Variants in ACBD6 observed in about 807,000 individuals in gnomAD.
ACBD6 encodes the protein acyl-CoA binding domain containing 6.
In ACBD6, 28 loss-of-function variants were observed where a neutral mutation model predicts 37.2. The observed-to-expected ratio is 0.75, with a 90% CI of 0.56 to 1.03. ACBD6 has a LOEUF of 1.03. Ranked by LOEUF, ACBD6 falls within the 50% of genes least tolerant of loss-of-function variation. The probability of loss-of-function intolerance (pLI) is 0.00; values close to 1 mark genes in which losing one functional copy is unlikely to be tolerated. For synonymous variants in ACBD6, 113 were observed against 126.8 expected, an observed-to-expected ratio of 0.89 and a Z score of 0.73; for missense variants, 340 against 337.4, an observed-to-expected ratio of 1.01 and a Z score of -0.06.
At chr1:180,380,775 C>T (rs921769304) in intron 6 of ACBD6, among the ~76,000 whole-genome samples, 1 of 151,850 alleles carries the variant, frequency 6.6e-6, no homozygotes, top group African/African-American at 2.4e-5. Context: ...CACTAAACTA[C>T]AATGATAAAA....
intron 3 of ACBD6, among the ~76,000 whole-genome samples, chr1:180,438,018 G>A (rs1378400154): frequency 6.6e-6 from 1 of 152,156 alleles, no homozygotes; most frequent in Non-Finnish European, 1.5e-5. Context: ...CCGCACAGCA[G>A]GAGATGAGTG....
chr1:180,482,939 TA>T (rs1456224171), intron 3 of ACBD6, among the ~76,000 whole-genome samples: 1 of 152,224 alleles, frequency 6.6e-6, no homozygotes, highest in Non-Finnish European at 1.5e-5. Context: ...TTTGTTTCCA[TA>T]AGCCTCTATT....
intron 6 of ACBD6, among the ~76,000 whole-genome samples, chr1:180,369,172 C>A (rs530432297): frequency 6.6e-6 from 1 of 152,202 alleles, no homozygotes; most frequent in Non-Finnish European, 1.5e-5. Context: ...TTGTGTGGGC[C>A]TGGGGCAAGA....
chr1:180,498,218 G>A (rs1016354606), intron 1 of ACBD6, among the ~76,000 whole-genome samples: 1 of 152,176 alleles, frequency 6.6e-6, no homozygotes, highest in Non-Finnish European at 1.5e-5. Flanking sequence ...TCAAGCTCAT[G>A]GTGGCAGATA....
At chr1:180,302,564 G>C (rs997900308) in intron 7 of ACBD6, among the ~76,000 whole-genome samples, 4 of 151,870 alleles carry the variant, frequency 2.6e-5, no homozygotes, top group African/African-American at 9.7e-5. Flanking sequence ...TTTTCCATTT[G>C]CTTGGTAGAT....
chr1:180,304,703 A>G (rs1650280964), intron 7 of ACBD6, among the ~76,000 whole-genome samples: 1 of 150,894 alleles, frequency 6.6e-6, no homozygotes, highest in South Asian at 2.1e-4. Context: ...ATTCAATGCC[A>G]TCCCCATCAA....
At chr1:180,341,467 A>C (rs901004858) in intron 6 of ACBD6, among the ~76,000 whole-genome samples, 1 of 152,072 alleles carries the variant, frequency 6.6e-6, no homozygotes, top group African/African-American at 2.4e-5. Context: ...ATAATATTAT[A>C]GATGACAAAG....
intron 9 of ACBD6, chr1:180,277,080 GGA>G (rs1649080476): frequency 6.6e-6 from 1 of 152,154 alleles, no homozygotes; most frequent in African/African-American, 2.4e-5. Context: ...CTGAAAACCA[GGA>G]GAGCTTTGTT....
intron 5 of ACBD6, among the ~76,000 whole-genome samples, chr1:180,398,399 C>T (rs915255404): frequency 6.6e-6 from 1 of 152,002 alleles, no homozygotes; most frequent in Non-Finnish European, 1.5e-5. Flanking sequence ...ACTAAATTTC[C>T]TCGAGTTCAT....
chr1:180,366,793 T>C (rs895425333), intron 6 of ACBD6, among the ~76,000 whole-genome samples: 1 of 152,180 alleles, frequency 6.6e-6, no homozygotes, highest in African/African-American at 2.4e-5. Flanking sequence ...TCATTATATA[T>C]AATATAGAAG....
chr1:180,315,750 A>G (rs963791573), intron 6 of ACBD6, among the ~76,000 whole-genome samples: 4 of 152,152 alleles, frequency 2.6e-5, no homozygotes, highest in African/African-American at 9.7e-5. Flanking sequence ...AGTAAGAAAA[A>G]AGTCATGGCA....
chr1:180,285,299 T>C (rs145951618), downstream of ACBD6, among the ~76,000 whole-genome samples: 50 of 152,328 alleles, frequency 3.3e-4, no homozygotes, highest in African/African-American at 1.1e-3. Flanking sequence ...ATTTTGGATA[T>C]GTTAAAATGA....
At chr1:180,296,311 T>A (rs754063564) in intron 7 of ACBD6, among the ~76,000 whole-genome samples, 1 of 152,200 alleles carries the variant, frequency 6.6e-6, no homozygotes, top group Non-Finnish European at 1.5e-5. Flanking sequence ...GTTGTCTCCA[T>A]AAAATAAAAG....
intron 3 of ACBD6, among the ~76,000 whole-genome samples, chr1:180,481,305 G>C (rs777205649): frequency 1.3e-4 from 19 of 151,482 alleles, no homozygotes; most frequent in Non-Finnish European, 2.1e-4. Flanking sequence ...TCACAGAAAA[G>C]ATCAGGGCTA....
intron 6 of ACBD6, among the ~76,000 whole-genome samples, chr1:180,327,200 G>A (rs574257530): frequency 2.1e-4 from 32 of 152,258 alleles, no homozygotes; most frequent in Non-Finnish European, 3.8e-4. Flanking sequence ...CCTATCACTC[G>A]GATGGACGAT....
intron 3 of ACBD6, among the ~76,000 whole-genome samples, chr1:180,458,654 G>A (rs1307275704): frequency 1.3e-5 from 2 of 152,024 alleles, no homozygotes; most frequent in Admixed American, 6.6e-5. Flanking sequence ...AGAAAACAGC[G>A]TGAGTTAAAA....
At chr1:180,272,284 C>T (rs928842143) in intron 13 of ACBD6, among the ~76,000 whole-genome samples, 2 of 152,154 alleles carry the variant, frequency 1.3e-5, no homozygotes, top group Non-Finnish European at 2.9e-5. Flanking sequence ...TGACTGGGGC[C>T]TCCCTCATCA....
chr1:180,309,159 T>G lies in ACBD6; in HGVS notation c.694+5533A>C, dbSNP rs200013151. 3.9e-5 allele frequency among the ~76,000 whole-genome samples: 6 copies of G among 152,208 alleles called. No homozygotes were observed. The East Asian group carries it at 1.2e-3, about 29-fold the overall frequency. On this transcript the variant is annotated intron_variant, in intron 7 of 7. Coordinates refer to ENST00000367595, the MANE Select transcript of ACBD6 (RefSeq NM_032360.4). Reference sequence around the variant, plus strand: ...AGAGATATATATTTACTAGCAAGTATGTATAGATATATTCATGGCAGCACA... The same window carrying G: ...AGAGATATATATTTACTAGCAAGTAGGTATAGATATATTCATGGCAGCACA...
At chr1:180,347,112 T>C (rs1209464014) in intron 6 of ACBD6, among the ~76,000 whole-genome samples, 1 of 151,910 alleles carries the variant, frequency 6.6e-6, no homozygotes, top group East Asian at 1.9e-4. Flanking sequence ...TTTTCTAGGG[T>C]CAGATAATTC....
Sources: gnomAD v4.1 joint callset for allele counts (sites outside exome capture counted in the v4.1 genomes callset) on GRCh38, gnomAD v4.1.1 for gene constraint, MANE v1.5 for transcripts, NCBI Gene and HGNC (gene_info 2026-07-23, HGNC 2026-07-21) for gene names.